The following DIAPH2 variants were observed in gnomAD, a reference collection of about 807,000 sequenced individuals.
The protein encoded by DIAPH2 is diaphanous related formin 2.
DIAPH2 carries 35 observed loss-of-function variants against 92.7 expected under a neutral mutation model. The observed-to-expected ratio is 0.38, with a 90% CI of 0.29 to 0.50. DIAPH2 has a LOEUF of 0.50. Ranked by LOEUF, DIAPH2 falls within the 20% of genes least tolerant of loss-of-function variation. The pLI, the probability that DIAPH2 is intolerant of heterozygous loss-of-function variation, is 0.94. For synonymous variants in DIAPH2, 301 were observed against 280.4 expected (o/e 1.07, Z -0.73); for missense variants, 701 against 819.5 (o/e 0.86, Z 1.77).
chrX:97,036,170 G>T, intron 17 of DIAPH2, among the ~76,000 whole-genome samples: 1 of 111,592 alleles, frequency 9.0e-6, no homozygotes, highest in Non-Finnish European at 1.9e-5. Context: ...TTAAATATTG[G>T]AAGTTTGAGA....
chrX:96,843,485 C>T (rs1225795687), intron 4 of DIAPH2, among the ~76,000 whole-genome samples: 1 of 111,206 alleles, frequency 9.0e-6, no homozygotes, highest in Non-Finnish European at 1.9e-5. Flanking sequence ...AATTATAGGA[C>T]CTTTTCTTGA....
intron 5 of DIAPH2, among the ~76,000 whole-genome samples, chrX:96,895,250 C>T (rs1054328317): frequency 9.0e-6 from 1 of 111,505 alleles, no homozygotes; most frequent in African/African-American, 3.3e-5. Flanking sequence ...GGTAATCCAC[C>T]TGCCTCGGCC....
At chrX:97,218,657 T>C (rs945072628) in intron 22 of DIAPH2, among the ~76,000 whole-genome samples, 3 of 110,985 alleles carry the variant, frequency 2.7e-5, no homozygotes, top group African/African-American at 6.5e-5. Flanking sequence ...GAGGAACTGG[T>C]TCTATAACTG....
intron 26 of DIAPH2, among the ~76,000 whole-genome samples, chrX:97,519,117 A>G (rs987077791): frequency 8.9e-6 from 1 of 112,210 alleles, no homozygotes; most frequent in African/African-American, 3.2e-5. Context: ...CATTCTGAAT[A>G]GTGTATTTTG....
intron 23 of DIAPH2, among the ~76,000 whole-genome samples, chrX:97,259,328 A>G (rs1341397409): frequency 9.0e-6 from 1 of 111,234 alleles, no homozygotes; most frequent in Non-Finnish European, 1.9e-5. Context: ...CTCCGTCTCA[A>G]AAAAAAAGAT....
At chrX:96,968,487 G>C (rs999379399) in intron 17 of DIAPH2, among the ~76,000 whole-genome samples, 2 of 111,596 alleles carry the variant, frequency 1.8e-5, no homozygotes, top group Non-Finnish European at 3.8e-5. Flanking sequence ...CCAAAGTGCT[G>C]GGATTACAGG....
intron 5 of DIAPH2, chrX:96,885,237 G>T (rs2065251966): frequency 2.0e-6 from 1 of 510,345 alleles, no homozygotes; most frequent in Non-Finnish European, 3.2e-6. Context: ...TTTTCTAACT[G>T]CTTTGAACTT....
At chrX:97,226,620 C>T (rs767318842) in intron 22 of DIAPH2, among the ~76,000 whole-genome samples, 3 of 111,275 alleles carry the variant, frequency 2.7e-5, no homozygotes. Context: ...GGTGATCCAC[C>T]CGCCTCGGCC....
chrX:97,068,955 T>C (rs2066651034), intron 17 of DIAPH2, among the ~76,000 whole-genome samples: 1 of 111,497 alleles, frequency 9.0e-6, no homozygotes, highest in Non-Finnish European at 1.9e-5. Context: ...GTATATAGTG[T>C]ACTTTTTTGT....
At chrX:97,509,810 C>G (rs1371761605) in intron 26 of DIAPH2, among the ~76,000 whole-genome samples, 1 of 110,131 alleles carries the variant, frequency 9.1e-6, no homozygotes, top group Non-Finnish European at 1.9e-5. Flanking sequence ...TTTCCAATTT[C>G]ATCCATGTCC....
chrX:96,788,293 T>A (rs1345592315), intron 4 of DIAPH2, among the ~76,000 whole-genome samples: 16 of 111,883 alleles, frequency 1.4e-4, no homozygotes, highest in Non-Finnish European at 3.0e-4. Flanking sequence ...TAGTGCAAAC[T>A]TCTCACACCT....
chrX:96,711,861 G>C (rs1353901803), intron 1 of DIAPH2, among the ~76,000 whole-genome samples: 3 of 110,641 alleles, frequency 2.7e-5, no homozygotes, highest in Non-Finnish European at 5.7e-5. Context: ...CATAATATTT[G>C]TTAGAATTTT....
intron 4 of DIAPH2, among the ~76,000 whole-genome samples, chrX:96,834,214 C>T (rs957655762): frequency 1.8e-5 from 2 of 111,570 alleles, no homozygotes; most frequent in Non-Finnish European, 3.8e-5. Context: ...AAATGAAATA[C>T]TCATTAGAAT....
intron 17 of DIAPH2, among the ~76,000 whole-genome samples, chrX:96,985,898 C>T (rs1324603862): frequency 9.0e-6 from 1 of 110,748 alleles, no homozygotes; most frequent in Non-Finnish European, 1.9e-5. Flanking sequence ...CAAACATCTC[C>T]TAAGAGGTGA....
intron 26 of DIAPH2, among the ~76,000 whole-genome samples, chrX:97,467,729 T>C (rs1283244025): frequency 1.8e-5 from 2 of 112,352 alleles, no homozygotes; most frequent in African/African-American, 6.5e-5. Context: ...TGTTTTCATA[T>C]ACCAGAATTT....
chrX:97,570,118 A>ATG (rs2071358575), intron 26 of DIAPH2, among the ~76,000 whole-genome samples: 1 of 24,151 alleles, frequency 4.1e-5, no homozygotes, highest in Admixed American at 6.4e-4. Flanking sequence ...ATATATATAT[A>ATG]TATATTAGAA....
chrX:96,809,352 A>C (rs2064655975), intron 4 of DIAPH2, among the ~76,000 whole-genome samples: 1 of 106,300 alleles, frequency 9.4e-6, no homozygotes, highest in African/African-American at 3.5e-5. Context: ...AAAAAAAAAA[A>C]AACATAACCT....
intron 5 of DIAPH2, among the ~76,000 whole-genome samples, chrX:96,890,605 C>T (rs1489165660): frequency 1.8e-5 from 2 of 111,007 alleles, no homozygotes; most frequent in Non-Finnish European, 3.8e-5. Flanking sequence ...TCTTTTTGTT[C>T]AGCCCCTCGT....
intron 23 of DIAPH2, among the ~76,000 whole-genome samples, chrX:97,320,583 C>T (rs933064270): frequency 9.1e-6 from 1 of 109,853 alleles, no homozygotes; most frequent in African/African-American, 3.3e-5. Flanking sequence ...CACGTGGTGG[C>T]GGGCGCCTGC....
Sources: gnomAD v4.1 joint callset for allele counts (sites outside exome capture counted in the v4.1 genomes callset) on GRCh38, gnomAD v4.1.1 for gene constraint, MANE v1.5 for transcripts, NCBI Gene and HGNC (gene_info 2026-07-23, HGNC 2026-07-21) for gene names.